Variants in ADAMTS16 observed in about 807,000 individuals in gnomAD.
ADAMTS16 encodes the protein A disintegrin and metalloproteinase with thrombospondin motifs 16.
ADAMTS16 carries 94 observed loss-of-function variants against 145.8 expected under a neutral mutation model. The ratio of observed to expected loss-of-function variants is 0.64; its 90% confidence interval spans 0.55 to 0.77. The LOEUF (loss-of-function observed/expected upper bound fraction) is 0.77, where lower values mean the gene tolerates loss of function less well. ADAMTS16 is among the 30% of genes least tolerant of loss of function. ADAMTS16 has a pLI of 0.00. For synonymous variants in ADAMTS16, 659 were observed against 604.3 expected, an observed-to-expected ratio of 1.09 and a Z score of -1.33; for missense variants, 1,585 against 1,591.5, an observed-to-expected ratio of 1.00 and a Z score of 0.07.
In ADAMTS16 at chr5:5,167,778, G is replaced by A. The variant is rs552140750; in HGVS notation, c.502-14266G>A. 3.3e-5 allele frequency among the ~76,000 whole-genome samples: 5 copies of A among 152,364 alleles called. No homozygotes were observed. In the South Asian group the frequency reaches 1.0e-3, roughly 32 times the overall value. On this transcript the variant is annotated intron_variant, in intron 3 of 22. Coordinates refer to ENST00000274181, the MANE Select transcript of ADAMTS16 (RefSeq NM_139056.4). The stretch of plus-strand genomic sequence containing the variant: ...AAGTGCTTTGCCCTGGGATACAAAT[G>A]TCTGTGCTGTTCAGGGTAGTAGCCA...
At chr5:5,168,611 T>A (rs1187197225) in intron 3 of ADAMTS16, among the ~76,000 whole-genome samples, 7 of 112,656 alleles carry the variant, frequency 6.2e-5, no homozygotes, top group Admixed American at 2.0e-4. Context: ...ATAATTATAT[T>A]TTTATATATT....
intron 3 of ADAMTS16, among the ~76,000 whole-genome samples, chr5:5,153,615 C>G (rs1210797913): frequency 6.6e-6 from 1 of 152,188 alleles, no homozygotes; most frequent in Middle Eastern, 3.4e-3. Flanking sequence ...TTTAACAAAA[C>G]TATTTTTTAG....
chr5:5,149,206 T>C (rs974030341), intron 3 of ADAMTS16, among the ~76,000 whole-genome samples: 7 of 152,232 alleles, frequency 4.6e-5, no homozygotes, highest in African/African-American at 1.7e-4. Context: ...GTATCTTGAC[T>C]TAAAATATTT....
At chr5:5,195,479 A>G (rs1458249273) in intron 8 of ADAMTS16, among the ~76,000 whole-genome samples, 2 of 152,202 alleles carry the variant, frequency 1.3e-5, no homozygotes, top group African/African-American at 2.4e-5. Flanking sequence ...GATAGTGACC[A>G]GGGAGGGTGC....
At chr5:5,237,392 G>A (rs1056054263) in intron 14 of ADAMTS16, among the ~76,000 whole-genome samples, 50 of 152,286 alleles carry the variant, frequency 3.3e-4, no homozygotes, top group African/African-American at 1.2e-3. Context: ...GATCTGAAAG[G>A]GTGAGTTGGA....
intron 18 of ADAMTS16, among the ~76,000 whole-genome samples, chr5:5,302,599 CATAAAA>C (rs1300702897): frequency 6.6e-6 from 1 of 152,068 alleles, no homozygotes; most frequent in East Asian, 1.9e-4. Context: ...ATACATTGAA[CATAAAA>C]ATAAAATTTA....
chr5:5,239,753 C>A lies in ADAMTS16; in HGVS notation c.2351C>A (p.Ser784Tyr). ...IRIYEMNVST[S>Y]YISVRNALRR... is the part of the protein sequence containing the mutation. Reference sequence around the variant, plus strand: ...ATCTATGAAATGAACGTCTCTACCTCCTACATTTCTGTGCGCAATGCCCTC... The same window carrying A: ...ATCTATGAAATGAACGTCTCTACCTACTACATTTCTGTGCGCAATGCCCTC... The change falls in exon 16 of 23, where the codon TCC (serine) becomes TAC (tyrosine). Residue 784 changes from serine (S) to tyrosine (Y), a missense_variant. This residue lies in a region of ADAMTS16 where 834 missense variants were observed against 811.7 expected (regional missense o/e 1.03). Transcript: ENST00000274181. 6.2e-7 allele frequency: 1 copy of A among 1,614,156 alleles called. No homozygotes were observed. The highest frequency in any genetic ancestry group is 8.5e-7 in the Non-Finnish European group (1 of 1,180,034).
intron 21 of ADAMTS16, among the ~76,000 whole-genome samples, chr5:5,308,721 C>T (rs778809552): frequency 1.3e-5 from 2 of 152,026 alleles, no homozygotes; most frequent in African/African-American, 2.4e-5. Context: ...GGCCGAGGCA[C>T]GTGGATTACC....
intron 2 of ADAMTS16, among the ~76,000 whole-genome samples, chr5:5,141,500 G>A (rs1049087401): frequency 9.9e-5 from 15 of 152,234 alleles, no homozygotes; most frequent in Admixed American, 3.3e-4. Flanking sequence ...GAACGCAGGT[G>A]TGTCGCACTG....
At chr5:5,198,089 G>A (rs1321959911) in intron 8 of ADAMTS16, among the ~76,000 whole-genome samples, 1 of 152,160 alleles carries the variant, frequency 6.6e-6, no homozygotes, top group African/African-American at 2.4e-5. Flanking sequence ...GGGACATTGT[G>A]GACTTTGAAT....
chr5:5,255,429 C>T (rs192859729), intron 17 of ADAMTS16, among the ~76,000 whole-genome samples: 5 of 152,276 alleles, frequency 3.3e-5, no homozygotes, highest in African/African-American at 4.8e-5. Flanking sequence ...AGAGTTACTC[C>T]GGATTTTGAA....
At chr5:5,283,269 T>C (rs929935694) in intron 18 of ADAMTS16, among the ~76,000 whole-genome samples, 2 of 152,244 alleles carry the variant, frequency 1.3e-5, no homozygotes, top group African/African-American at 4.8e-5. Context: ...CATATTACAT[T>C]GTAATTTTTT....
chr5:5,300,850 C>T (rs181852027), intron 18 of ADAMTS16, among the ~76,000 whole-genome samples: 1 of 152,138 alleles, frequency 6.6e-6, no homozygotes, highest in South Asian at 2.1e-4. Flanking sequence ...TCAGAAATCA[C>T]GTCCAGCCAG....
chr5:5,213,165 G>A (rs1716985228), intron 10 of ADAMTS16, among the ~76,000 whole-genome samples: 1 of 152,154 alleles, frequency 6.6e-6, no homozygotes, highest in South Asian at 2.1e-4. Context: ...TTTAAAAATA[G>A]CTGCTTTTAA....
At chr5:5,311,077 C>T (rs1460125605) in intron 21 of ADAMTS16, among the ~76,000 whole-genome samples, 1 of 152,082 alleles carries the variant, frequency 6.6e-6, no homozygotes, top group African/African-American at 2.4e-5. Context: ...CCTCAGGGCC[C>T]TGTGCCTCGC....
intron 7 of ADAMTS16, among the ~76,000 whole-genome samples, chr5:5,191,334 G>T (rs1386616002): frequency 3.3e-5 from 5 of 152,112 alleles, no homozygotes. Flanking sequence ...TGGGAACATA[G>T]GTGTTTAGAA....
intron 18 of ADAMTS16, among the ~76,000 whole-genome samples, chr5:5,267,271 C>A (rs181249589): frequency 6.6e-6 from 1 of 152,194 alleles, no homozygotes; most frequent in Non-Finnish European, 1.5e-5. Context: ...AGTTTGTCGT[C>A]CCTGGGCAGC....
chr5:5,215,291 GAATA>G (rs1736385598), intron 10 of ADAMTS16, among the ~76,000 whole-genome samples: 1 of 152,172 alleles, frequency 6.6e-6, no homozygotes, highest in Admixed American at 6.5e-5. Flanking sequence ...ACTGCTTGAA[GAATA>G]AATAATGACA....
chr5:5,278,634 TTGAG>T (rs1284567959), intron 18 of ADAMTS16, among the ~76,000 whole-genome samples: 7 of 152,214 alleles, frequency 4.6e-5, no homozygotes, highest in Admixed American at 3.9e-4. Flanking sequence ...ACAAATATAA[TTGAG>T]TGTCTACTAT....
Sources: gnomAD v4.1 joint callset for allele counts (sites outside exome capture counted in the v4.1 genomes callset) on GRCh38, gnomAD v4.1.1 for gene constraint, gnomAD v4.1.1 regional missense constraint, MANE v1.5 for transcripts, NCBI Gene and HGNC (gene_info 2026-07-23, HGNC 2026-07-21) for gene names.